NPAT: variants seen among roughly 807,000 people sequenced by gnomAD.
NPAT encodes nuclear protein, coactivator of histone transcription.
Under a neutral mutation model 130.7 loss-of-function variants are expected in NPAT, and 52 were observed. The observed-to-expected ratio is 0.40, with a 90% CI of 0.32 to 0.50. The LOEUF is 0.50. Ranked by LOEUF, NPAT falls within the 20% of genes least tolerant of loss-of-function variation. The probability of loss-of-function intolerance (pLI) is 0.68; values close to 1 mark genes in which losing one functional copy is unlikely to be tolerated. For synonymous variants in NPAT, 580 were observed against 584.8 expected, an observed-to-expected ratio of 0.99 and a Z score of 0.12; for missense variants, 1,687 against 1,662.6, an observed-to-expected ratio of 1.01 and a Z score of -0.26.
At chr11:108,189,700 C>G (rs1047514124) in intron 5 of NPAT, among the ~76,000 whole-genome samples, 1 of 151,170 alleles carries the variant, frequency 6.6e-6, no homozygotes, top group Admixed American at 6.6e-5. Flanking sequence ...GAAACCCCGT[C>G]TCTACTAAAA....
rs1565310968 is a variant in NPAT, at chr11:108,172,838, CAG to C, written c.2144_2145del (p.Pro715ArgfsTer6). The C allele has an allele frequency of 1.9e-6, 3 of 1,613,914 alleles. No individual in the cohort carries two copies. The highest frequency in any genetic ancestry group is 1.7e-6 in the Non-Finnish European group (2 of 1,180,018). On this transcript the variant is annotated frameshift_variant, in exon 13 of 18. Coordinates refer to ENST00000278612, the MANE Select transcript of NPAT (RefSeq NM_002519.3). LOFTEE classifies it high-confidence loss of function. Reference sequence around the variant, plus strand: ...GGTTTATCATCAGTATTTTGGGACTCAGGGTGAGAATCTCCCACTGAAGAACA... The same window carrying C: ...GGTTTATCATCAGTATTTTGGGACTCGGTGAGAATCTCCCACTGAAGAACA... ...SVCSSVGDSH[P>X]ESQNTDDKPS...
intron 1 of NPAT, among the ~76,000 whole-genome samples, chr11:108,217,844 T>C (rs1357236754): frequency 6.6e-6 from 1 of 152,010 alleles, no homozygotes; most frequent in Non-Finnish European, 1.5e-5. Context: ...AATACAAAAA[T>C]TAGCCGGGCG....
chr11:108,172,577 C>T lies in NPAT; in HGVS notation c.2407G>A (p.Glu803Lys), dbSNP rs200624398. The change falls in exon 13 of 18, where the codon GAA becomes AAA. Residue 803 changes from glutamate to lysine, a missense_variant. Physicochemically the swap from Glu to Lys is moderately conservative, Grantham distance 56. Around this residue, in one of 3 missense-constraint regions of NPAT, gnomAD observed 1,379 missense variants for 1,346.6 expected, o/e 1.02. Transcript: ENST00000278612. ...TCCATTGAGGCTGAATCCCCTACTT[C>T]GGCATATACAACAGCACCTACAGTT... ...EETVGAVVYAEVGDSASMEQS... is the reference protein window; with the variant it reads ...EETVGAVVYAKVGDSASMEQS... 7.3e-5 allele frequency: 118 copies of T among 1,614,186 alleles called. No individual in the cohort carries two copies. In the Middle Eastern group the frequency reaches 2.0e-3, roughly 27 times the overall value.
rs118092014 is a variant in NPAT, at chr11:108,174,007, T to C, written c.1133-156A>G. Among the ~76,000 whole-genome samples, 930 of 152,324 alleles carry C rather than the reference T, an allele frequency of 6.1e-3. 6 individuals carry two copies. The highest frequency in any genetic ancestry group is 0.01 in the East Asian group (54 of 5,188). On this transcript the variant is annotated intron_variant, in intron 12 of 17. Transcript: ENST00000278612. ...CGCTGTGTTTCCCATTTACTGAGTA[T>C]CAAAAAATTTACAGGTACTTTCTAG...
At chr11:108,193,796 CAAATT>C (rs1348009405) in intron 3 of NPAT, among the ~76,000 whole-genome samples, 156 bp downstream of exon 3, 2 of 151,902 alleles carry the variant, frequency 1.3e-5, no homozygotes, top group Non-Finnish European at 1.5e-5. Flanking sequence ...AACCCACAAA[CAAATT>C]AGATGTGTCC....
intron 1 of NPAT, among the ~76,000 whole-genome samples, chr11:108,210,894 A>G (rs1005205073): frequency 6.6e-6 from 1 of 152,206 alleles, no homozygotes; most frequent in South Asian, 2.1e-4. Flanking sequence ...AGAGAAAGAC[A>G]TCACAAAACT....
intron 1 of NPAT, among the ~76,000 whole-genome samples, chr11:108,197,786 G>A (rs780307038): frequency 6.6e-6 from 1 of 152,202 alleles, no homozygotes; most frequent in African/African-American, 2.4e-5. Flanking sequence ...CACTTACTGC[G>A]TTATCAGAAA....
chr11:108,204,529 G>A (rs982562202), intron 1 of NPAT, among the ~76,000 whole-genome samples: 2 of 146,664 alleles, frequency 1.4e-5, no homozygotes, highest in African/African-American at 2.5e-5. Context: ...CTTCTCAGAT[G>A]CGGGACAAAA....
In NPAT at chr11:108,180,129, T is replaced by C. The variant is rs2078045909; in HGVS notation, c.907-3039A>G. On this transcript the variant is annotated intron_variant, in intron 10 of 17. Coordinates refer to ENST00000278612, the MANE Select transcript of NPAT (RefSeq NM_002519.3). Reference sequence around the variant, plus strand: ...ATCACTTGAGCCCAGGAGTTCTAGATCAGCCTGGCCAACATGACAAAACCC... The same window carrying C: ...ATCACTTGAGCCCAGGAGTTCTAGACCAGCCTGGCCAACATGACAAAACCC... Among the ~76,000 whole-genome samples the C allele has an allele frequency of 2.6e-5, 4 of 152,152 alleles. No homozygotes were observed. In the South Asian group the frequency reaches 8.3e-4, roughly 32 times the overall value.
intron 6 of NPAT, 79 bp from the exon 7 acceptor site, chr11:108,188,258 G>A: frequency 1.9e-6 from 2 of 1,054,604 alleles, no homozygotes; most frequent in Non-Finnish European, 3.0e-6. Context: ...AAAAGCATTA[G>A]TGATTATTAT....
chr11:108,188,490 A>T (rs1431341126), intron 6 of NPAT, among the ~76,000 whole-genome samples: 1 of 152,194 alleles, frequency 6.6e-6, no homozygotes, highest in African/African-American at 2.4e-5. Flanking sequence ...AAAGGTGAAA[A>T]TGAGGGAGAT....
Position 108,158,880 on chromosome 11 carries a change from C to A in NPAT, c.*62G>T. The A allele has an allele frequency of 1.1e-6, 1 of 949,942 alleles. No individual in the cohort carries two copies. Among genetic ancestry groups the A allele is most frequent in the South Asian group, 1.3e-5 (1 of 76,606 alleles). The allele number at this position is 949,942 out of a possible 1,614,324, so 58.8% of individuals were successfully genotyped here. On this transcript the variant is annotated 3_prime_UTR_variant, in exon 18 of 18. Coordinates refer to ENST00000278612, the MANE Select transcript of NPAT (RefSeq NM_002519.3). ...TTCAGATTCTGTCAATATCCCATTC[C>A]CTACACTCAGTTTAAGGGATATGAG...
intron 6 of NPAT, 108 bp from the exon 7 acceptor site, chr11:108,188,287 A>G: frequency 1.2e-6 from 1 of 840,676 alleles, no homozygotes. Flanking sequence ...AAATTCAATT[A>G]ACATGTACTG....
intron 6 of NPAT, among the ~76,000 whole-genome samples, chr11:108,188,714 G>C (rs1390717451): frequency 1.3e-5 from 2 of 152,136 alleles, no homozygotes; most frequent in African/African-American, 4.8e-5. Flanking sequence ...GGCATATGTA[G>C]GATTTCTAAC....
chr11:108,172,263 C>T lies in NPAT; in HGVS notation c.2721G>A (p.Gln907=). Residue 907 remains glutamine (Q), a synonymous_variant, in exon 13 of 18, where the codon CAG becomes CAA. Coordinates refer to ENST00000278612, the MANE Select transcript of NPAT (RefSeq NM_002519.3). ...MTAQPLPPQL[Q]TPPRSNSVFA... ...ATACACTGTTTGACCTTGGTGGTGTCTGTAACTGAGGTGGTAGAGGTTGAG... is the reference window on the plus strand; with the variant it reads ...ATACACTGTTTGACCTTGGTGGTGTTTGTAACTGAGGTGGTAGAGGTTGAG... 6.2e-7 allele frequency: 1 copy of T among 1,613,846 alleles called. No homozygotes were observed. The highest frequency in any genetic ancestry group is 1.1e-5 in the South Asian group (1 of 91,072).
rs751979081 is a variant in NPAT, at chr11:108,173,761, A to C, written c.1223T>G (p.Leu408Arg). The C allele has an allele frequency of 1.2e-6, 2 of 1,614,018 alleles. No individual in the cohort carries two copies. Among genetic ancestry groups the C allele is most frequent in the African/African-American group, 2.7e-5 (2 of 74,910 alleles). Reference sequence around the variant, plus strand: ...AAAATTTTCCTGGTCTTCTTGTCTAAGCACATCATGGTTGTTGCTATTCTT... The same window carrying C: ...AAAATTTTCCTGGTCTTCTTGTCTACGCACATCATGGTTGTTGCTATTCTT... ...ALKNSNNHDV[L>R]RQEDQENFSQ... Residue 408 changes from leucine (L) to arginine (R), a missense_variant, in exon 13 of 18, where the codon CTT becomes CGT. Around this residue, in one of 3 missense-constraint regions of NPAT, gnomAD observed 1,379 missense variants for 1,346.6 expected, o/e 1.02. Coordinates refer to ENST00000278612, the MANE Select transcript of NPAT (RefSeq NM_002519.3).
chr11:108,172,742 G>A lies in NPAT; in HGVS notation c.2242C>T (p.Pro748Ser), dbSNP rs755385459. 34 of 1,613,316 alleles carry A rather than the reference G, an allele frequency of 2.1e-5. No individual in the cohort carries two copies. The South Asian group carries it at 2.3e-4, about 11-fold the overall frequency. ...AGTTCAGTATCTGAGGAAACAAATG[G>A]ATCATCACTAATGATAACTTTGAGA... Reference protein sequence around the residue: ...VSLKVIISDDPFVSSDTELTS... With the variant: ...VSLKVIISDDSFVSSDTELTS... The change falls in exon 13 of 18, where the codon CCA becomes TCA. Residue 748 changes from proline to serine, a missense_variant. By Grantham distance (74) the Pro-to-Ser change is moderately conservative. Transcript: ENST00000278612.
chr11:108,193,712 T>A (rs763356903), intron 3 of NPAT, among the ~76,000 whole-genome samples: 6 of 151,392 alleles, frequency 4.0e-5, no homozygotes, highest in Admixed American at 6.6e-5. Context: ...GCAACAAGAT[T>A]GAAACTCCGT....
chr11:108,213,093 G>C (rs1347890471), intron 1 of NPAT, among the ~76,000 whole-genome samples: 1 of 151,982 alleles, frequency 6.6e-6, no homozygotes, highest in Non-Finnish European at 1.5e-5. Flanking sequence ...GACCAACATG[G>C]AGAAACCCTG....
Sources: gnomAD v4.1 joint callset for allele counts (sites outside exome capture counted in the v4.1 genomes callset) on GRCh38, gnomAD v4.1.1 for gene constraint, gnomAD v4.1.1 regional missense constraint, MANE v1.5 for transcripts, NCBI Gene and HGNC (gene_info 2026-07-23, HGNC 2026-07-21) for gene names.